Variants in ZSWIM8 observed in about 807,000 individuals in gnomAD.
The protein encoded by ZSWIM8 is zinc finger SWIM domain-containing protein 8.
Under a neutral mutation model 173.7 loss-of-function variants are expected in ZSWIM8, and 27 were observed. The ratio of observed to expected loss-of-function variants is 0.16; its 90% CI spans 0.11 to 0.21. ZSWIM8 has a LOEUF of 0.21. Among genes scored for constraint, ZSWIM8 ranks in the 10% least tolerant of loss-of-function variants. ZSWIM8 has a pLI of 1.00. For missense variants in ZSWIM8, 1,627 were observed against 2,428.8 expected (o/e 0.67, Z 6.94); for synonymous variants, 958 against 962.0 (o/e 1.00, Z 0.08).
Position 73,792,438 on chromosome 10 carries a change from G to C in ZSWIM8, c.1899G>C (p.Glu633Asp). 1 of 1,606,010 alleles carries C rather than the reference G, an allele frequency of 6.2e-7. No individual in the cohort carries two copies. Among genetic ancestry groups the C allele is most frequent in the Admixed American group, 1.7e-5 (1 of 58,450 alleles). Residue 633 changes from glutamate to aspartate, a missense_variant, in exon 10 of 26, where the codon GAG (glutamate) becomes GAC (aspartate). By Grantham distance (45) the Glu-to-Asp change is conservative. Transcript: ENST00000604729. This position sits in a 1 kb window ranked among gnomAD's most constrained non-coding sequence, Gnocchi z 4.3. ...LDDSSLALGA[E>D]ASTFGGFPES... ...ACAGCAGCCTGGCCCTGGGCGCAGAGGCCAGCACCTTCGGGGGATTCCCTG... is the reference window on the plus strand; with the variant it reads ...ACAGCAGCCTGGCCCTGGGCGCAGACGCCAGCACCTTCGGGGGATTCCCTG...
Position 73,799,502 on chromosome 10 carries a change from G to A in ZSWIM8, c.4665+12G>A, listed in dbSNP as rs1226647698. The stretch of plus-strand genomic sequence containing the variant: ...CTGCATACCCACAGGTGAGACCAGT[G>A]TTCTGCTGGGGGGTAAGGCATGGGA... On this transcript the variant is annotated intron_variant, in intron 21 of 25. Transcript: ENST00000604729. 3.8e-6 allele frequency: 6 copies of A among 1,593,498 alleles called. No individual in the cohort carries two copies. In the African/African-American group the frequency reaches 6.7e-5, roughly 18 times the overall value.
Position 73,799,009 on chromosome 10 carries a change from T to C in ZSWIM8, c.4184T>C (p.Leu1395Pro). 1.2e-6 allele frequency: 2 copies of C among 1,607,998 alleles called. No individual in the cohort carries two copies. Among genetic ancestry groups the C allele is most frequent in the Non-Finnish European group, 1.7e-6 (2 of 1,175,946 alleles). ...TGTGCCCCTCTCTTCCAGGACAACC[T>C]GATGTTGGAGAAGGCCTGCATGGCA... The part of the protein sequence containing the change: ...ALVQCKEQDN[L>P]MLEKACMAVE... The change falls in exon 21 of 26, where the codon CTG (leucine) becomes CCG (proline). Residue 1395 changes from leucine to proline, a missense_variant. Transcript: ENST00000604729.
intron 1 of ZSWIM8, among the ~76,000 whole-genome samples, chr10:73,787,987 C>G (rs911902122): frequency 6.6e-6 from 1 of 152,126 alleles, no homozygotes; most frequent in Non-Finnish European, 1.5e-5. Flanking sequence ...CATGTTATCA[C>G]TACTTTTTGG....
intron 14 of ZSWIM8, 196 bp downstream of exon 14, chr10:73,794,835 C>T (rs889838797): frequency 1.1e-5 from 5 of 435,586 alleles, no homozygotes; most frequent in African/African-American, 6.3e-5. Context: ...TGCTTGTAAT[C>T]GCAGCGCTTT....
chr10:73,787,757 G>A (rs1400462739), intron 1 of ZSWIM8, among the ~76,000 whole-genome samples: 1 of 152,170 alleles, frequency 6.6e-6, no homozygotes, highest in Admixed American at 6.5e-5. Flanking sequence ...GGAGGCTGAG[G>A]TGGGAGGTAA....
chr10:73,794,400 GC>G, intron 13 of ZSWIM8, 70 bp downstream of exon 13: 1 of 1,576,760 alleles, frequency 6.3e-7, no homozygotes, highest in African/African-American at 1.4e-5. Context: ...AAGACCAAGA[GC>G]CCCAAGTTTC....
rs1012894726 is a variant in ZSWIM8, at chr10:73,796,988, A to T, written c.3248A>T (p.Glu1083Val). 6 of 1,611,462 alleles carry T rather than the reference A, an allele frequency of 3.7e-6. No individual in the cohort carries two copies. Among genetic ancestry groups the T allele is most frequent in the Admixed American group, 1.7e-5 (1 of 59,792 alleles). ...GCAGGGGCTGGGCCAGGCCCCACTG[A>T]GGGCTTCACAGAGAAGAATGTGCCT... The part of the protein sequence containing the change: ...SVAGAGPGPT[E>V]GFTEKNVPES... Residue 1083 changes from glutamate (E) to valine (V), a missense_variant, in exon 16 of 26, where the codon GAG becomes GTG. This residue lies in a region of ZSWIM8 where 163 missense variants were observed against 193.2 expected (regional missense o/e 0.84). Transcript: ENST00000604729.
chr10:73,797,249 A>T lies in ZSWIM8; in HGVS notation c.3411A>T (p.Gly1137=). 2 of 1,613,932 alleles carry T rather than the reference A, an allele frequency of 1.2e-6. No homozygotes were observed. The highest frequency in any genetic ancestry group is 1.7e-5 in the Admixed American group (1 of 60,020). ...ATGGACGGGGATGGGGGTCCCCAGG[A>T]CGGCCTAAGAAGAAGCACACAGGTA... ...GYNGRGWGSP[G]RPKKKHTGMA... Residue 1137 remains glycine (G), a synonymous_variant, in exon 17 of 26, where the codon GGA becomes GGT. Coordinates refer to ENST00000604729, the MANE Select transcript of ZSWIM8 (RefSeq NM_001367799.1). The surrounding 1 kb of genome is among the most constrained non-coding windows in gnomAD (Gnocchi z 5.6).
rs1352257214 is a variant in ZSWIM8 at position 73,792,620 on chromosome 10, G to A, written c.2081G>A (p.Gly694Glu). The A allele has an allele frequency of 1.9e-6, 3 of 1,613,848 alleles. No individual in the cohort carries two copies. In the African/African-American group the frequency reaches 4.0e-5, roughly 22 times the overall value. The change falls in exon 10 of 26, where the codon GGG becomes GAG. Residue 694 changes from glycine (G) to glutamate (E), a missense_variant. Physicochemically the swap from Gly to Glu is moderately conservative, Grantham distance 98. Coordinates refer to ENST00000604729, the MANE Select transcript of ZSWIM8 (RefSeq NM_001367799.1). The surrounding 1 kb of genome is among the most constrained non-coding windows in gnomAD (Gnocchi z 4.3). ...ASVGPPGLLP[G>E]DVCTQDDLPS... ...GTTGGCCCCCCTGGCCTACTGCCTG[G>A]GGATGTCTGTACCCAGGACGACCTC...
Position 73,789,992 on chromosome 10 carries a change from C to T in ZSWIM8, c.775C>T (p.Leu259=), listed in dbSNP as rs761092813. The T allele has an allele frequency of 9.9e-6, 16 of 1,613,544 alleles. No homozygotes were observed. Among genetic ancestry groups the T allele is most frequent in the Middle Eastern group, 1.6e-4 (1 of 6,062 alleles). The change falls in exon 6 of 26, where the codon CTG becomes TTG. Residue 259 remains leucine (L), a synonymous_variant. Coordinates refer to ENST00000604729, the MANE Select transcript of ZSWIM8 (RefSeq NM_001367799.1). This position sits in a 1 kb window ranked among gnomAD's most constrained non-coding sequence, Gnocchi z 6.8. ...PTAQRLLDEL[L]SSQSTAINTV... is the part of the protein sequence containing the mutation. Reference sequence around the variant, plus strand: ...AGCTCAGCGTCTCCTGGACGAACTCCTGTCTTCCCAGTCAACAGCCATCAA... The same window carrying T: ...AGCTCAGCGTCTCCTGGACGAACTCTTGTCTTCCCAGTCAACAGCCATCAA...
In ZSWIM8 at chr10:73,793,962, C is replaced by A. The variant is rs759912286; in HGVS notation, c.2543C>A (p.Pro848Gln). Residue 848 changes from proline (P) to glutamine (Q), a missense_variant, in exon 12 of 26, where the codon CCA becomes CAA. Physicochemically the swap from Pro to Gln is moderately conservative, Grantham distance 76. Coordinates refer to ENST00000604729, the MANE Select transcript of ZSWIM8 (RefSeq NM_001367799.1). ...CTGTTGACAGTGCTAAGTGAGCGTC[C>A]AGAGCACCACAACCTGGCCTTCCGA... ...AFLLTVLSER[P>Q]EHHNLAFRVG... 8.7e-6 allele frequency: 14 copies of A among 1,613,274 alleles called. No individual in the cohort carries two copies. Among genetic ancestry groups the A allele is most frequent in the Non-Finnish European group, 1.1e-5 (13 of 1,179,644 alleles).
Position 73,801,529 on chromosome 10 carries a change from C to A in ZSWIM8, c.*10C>A. 1 of 1,613,314 alleles carries A rather than the reference C, an allele frequency of 6.2e-7. No individual in the cohort carries two copies. Among genetic ancestry groups the A allele is most frequent in the South Asian group, 1.1e-5 (1 of 91,034 alleles). On this transcript the variant is annotated 3_prime_UTR_variant, in exon 26 of 26. Transcript: ENST00000604729. The surrounding 1 kb of genome is among the most constrained non-coding windows in gnomAD (Gnocchi z 4.9). ...CACCTTCTCCCCCTGAGTCTTTCACCCTTAGGGTCCTATACAGGGACCCAG... is the reference window on the plus strand; with the variant it reads ...CACCTTCTCCCCCTGAGTCTTTCACACTTAGGGTCCTATACAGGGACCCAG...
rs759552874 is a variant in ZSWIM8, at chr10:73,789,454, G to A, written c.545G>A (p.Arg182Gln). ...GTGGCTGTGATGTTTGACCGCTGCC[G>A]GGTCACTTCCTGCAGCTGTACCTGT... ...YNVAVMFDRC[R>Q]VTSCSCTCGA... The change falls in exon 4 of 26, where the codon CGG becomes CAG. Residue 182 changes from arginine (R) to glutamine (Q), a missense_variant. Physicochemically the swap from Arg to Gln is conservative, Grantham distance 43. Around this residue, in one of 18 missense-constraint regions of ZSWIM8, gnomAD observed 39 missense variants for 154.0 expected, o/e 0.25. Coordinates refer to ENST00000604729, the MANE Select transcript of ZSWIM8 (RefSeq NM_001367799.1). The surrounding 1 kb of genome is among the most constrained non-coding windows in gnomAD (Gnocchi z 6.8). 1 of 1,609,556 alleles carries A rather than the reference G, an allele frequency of 6.2e-7. No homozygotes were observed. The highest frequency in any genetic ancestry group is 8.5e-7 in the Non-Finnish European group (1 of 1,177,882).
chr10:73,798,006 G>A lies in ZSWIM8; in HGVS notation c.3888G>A (p.Leu1296=). 1.2e-6 allele frequency: 2 copies of A among 1,614,036 alleles called. No homozygotes were observed. Among genetic ancestry groups the A allele is most frequent in the South Asian group, 1.1e-5 (1 of 91,084 alleles). ...AGATTGGGCTTTATGCCCTTGGCCT[G>A]CACAACTTTGTTTCTCCCAACTGGC... ...AFEIGLYALG[L]HNFVSPNWLS... is the part of the protein sequence containing the mutation. Residue 1296 remains leucine (L), a synonymous_variant, in exon 19 of 26, where the codon CTG becomes CTA. Coordinates refer to ENST00000604729, the MANE Select transcript of ZSWIM8 (RefSeq NM_001367799.1).
rs536535045 is a variant in ZSWIM8, at chr10:73,801,686, C to T, written c.*167C>T. ...TAGCTTGGGGCCAAGATGTCTCACA[C>T]CCTAGAAGCCTAGGGCTGGGGGAGA... On this transcript the variant is annotated 3_prime_UTR_variant, in exon 26 of 26. Coordinates refer to ENST00000604729, the MANE Select transcript of ZSWIM8 (RefSeq NM_001367799.1). The surrounding 1 kb of genome is among the most constrained non-coding windows in gnomAD (Gnocchi z 4.9). 10 of 1,534,196 alleles carry T rather than the reference C, an allele frequency of 6.5e-6. No homozygotes were observed. The highest frequency in any genetic ancestry group is 1.2e-5 in the South Asian group (1 of 83,210).
In ZSWIM8 at chr10:73,800,241, GTTCT is replaced by G; in HGVS notation, c.4826-52_4826-49del. 1 of 1,611,412 alleles carries G rather than the reference GTTCT, an allele frequency of 6.2e-7. No individual in the cohort carries two copies. Reference sequence around the variant, plus strand: ...TGGGCAGGGGAGGTGGGGAGGGAATGTTCTTTGTCTCTCTTTGGGCTCTGAGTTC... The same window carrying G: ...TGGGCAGGGGAGGTGGGGAGGGAATGTTGTCTCTCTTTGGGCTCTGAGTTC... On this transcript the variant is annotated intron_variant, in intron 22 of 25. Transcript: ENST00000604729. The surrounding 1 kb of genome is among the most constrained non-coding windows in gnomAD (Gnocchi z 4.1).
chr10:73,785,808 C>T lies in ZSWIM8; in HGVS notation c.-71C>T, dbSNP rs536569732. The T allele has an allele frequency of 1.6e-3, 2,290 of 1,460,954 alleles. 1 individual carries two copies. The highest frequency in any genetic ancestry group is 1.9e-3 in the Non-Finnish European group (2,133 of 1,101,746). 90.5% of individuals were successfully genotyped at this position (1,460,954 alleles called of 1,614,324 possible). On this transcript the variant is annotated 5_prime_UTR_variant, in exon 1 of 26. Transcript: ENST00000604729. ...TCGCCCCTCAGGCCCCGGGCCTCCCCTCAACCCCCGGCCGGCGGCCCAGGC... is the reference window on the plus strand; with the variant it reads ...TCGCCCCTCAGGCCCCGGGCCTCCCTTCAACCCCCGGCCGGCGGCCCAGGC...
chr10:73,800,884 CG>C lies in ZSWIM8; in HGVS notation c.5123-127del, dbSNP rs1208564741. On this transcript the variant is annotated intron_variant, in intron 24 of 25. Transcript: ENST00000604729. This position sits in a 1 kb window ranked among gnomAD's most constrained non-coding sequence, Gnocchi z 4.1. ...CCTTGGTCGGGTATGTGTGCGTGCG[CG>C]GGGGGCGGAGGGTTACCTCAGCTCC... 6 of 1,188,802 alleles carry C rather than the reference CG, an allele frequency of 5.0e-6. No individual in the cohort carries two copies. Among genetic ancestry groups the C allele is most frequent in the Non-Finnish European group, 7.1e-6 (6 of 845,514 alleles). The allele number at this position is 1,188,802 out of a possible 1,614,324, so 73.6% of individuals were successfully genotyped here.
At position 73,791,023 on chromosome 10, in the gene ZSWIM8, T is replaced by G; in HGVS notation, c.990T>G (p.Ala330=). 6.2e-7 allele frequency: 1 copy of G among 1,613,668 alleles called. No homozygotes were observed. The highest frequency in any genetic ancestry group is 8.5e-7 in the Non-Finnish European group (1 of 1,179,896). ...YLSSTEPPAA[A]EWACLLRPLR... ...CTTCCACGGAGCCGCCAGCCGCTGC[T>G]GAATGGGCATGTCTGCTGCGCCCTC... The change falls in exon 8 of 26, where the codon GCT becomes GCG. Residue 330 remains alanine, a synonymous_variant. Coordinates refer to ENST00000604729, the MANE Select transcript of ZSWIM8 (RefSeq NM_001367799.1). This position sits in a 1 kb window ranked among gnomAD's most constrained non-coding sequence, Gnocchi z 6.0.
Sources: gnomAD v4.1 joint callset for allele counts (sites outside exome capture counted in the v4.1 genomes callset) on GRCh38, gnomAD v4.1.1 for gene constraint, gnomAD v4.1.1 regional missense constraint, Gnocchi (gnomAD v3.1) non-coding constraint, MANE v1.5 for transcripts, NCBI Gene and HGNC (gene_info 2026-07-23, HGNC 2026-07-21) for gene names.